Variants in TSPAN32 observed in about 807,000 individuals in gnomAD.
TSPAN32 encodes the protein tetraspanin 32, also known as tetraspanin-32.
In TSPAN32, 47 loss-of-function variants were observed where a neutral mutation model predicts 42.7. The ratio of observed to expected loss-of-function variants is 1.10; its 90% CI spans 0.87 to 1.40. The LOEUF is 1.40. Among genes scored for constraint, TSPAN32 ranks in the 40% most tolerant of loss-of-function variants. The probability of loss-of-function intolerance (pLI) is 0.00; values close to 1 mark genes in which losing one functional copy is unlikely to be tolerated. For missense variants in TSPAN32, 469 were observed against 424.1 expected, an observed-to-expected ratio of 1.11 and a Z score of -0.93; for synonymous variants, 175 against 175.9, an observed-to-expected ratio of 0.99 and a Z score of 0.04.
Position 2,317,555 on chromosome 11 carries a change from G to A in TSPAN32, c.901+30G>A, listed in dbSNP as rs1848881886. ...AGACGCCCCTGCTGTCAGCCCTCAT[G>A]GGATCCCTGAGGGGAGGGTCCGAGC... On this transcript the variant is annotated intron_variant, in intron 9 of 9. Transcript: ENST00000182290. This position sits in a 1 kb window ranked among gnomAD's most constrained non-coding sequence, Gnocchi z 6.2. The A allele has an allele frequency of 6.5e-7, 1 of 1,549,784 alleles. No individual in the cohort carries two copies. The highest frequency in any genetic ancestry group is 8.7e-7 in the Non-Finnish European group (1 of 1,152,000).
At chr11:2,316,745 G>A in intron 8 of TSPAN32, 78 bp downstream of exon 8, 1 of 1,438,244 alleles carries the variant, frequency 7.0e-7, no homozygotes. Context: ...TCTGCCAGCT[G>A]CTAGGAGGGA....
Position 2,317,758 on chromosome 11 carries a change from GC to G in TSPAN32, c.902-103del. 1 of 1,539,842 alleles carries G rather than the reference GC, an allele frequency of 6.5e-7. No homozygotes were observed. The highest frequency in any genetic ancestry group is 8.7e-7 in the Non-Finnish European group (1 of 1,150,984). ...GACTGCAAGACACTGGTGGCCCACGGCCTGGAGGGCTCCACCCAGACACAAG... is the reference window on the plus strand; with the variant it reads ...GACTGCAAGACACTGGTGGCCCACGGCTGGAGGGCTCCACCCAGACACAAG... On this transcript the variant is annotated intron_variant, in intron 9 of 9. Transcript: ENST00000182290. This position sits in a 1 kb window ranked among gnomAD's most constrained non-coding sequence, Gnocchi z 6.2.
chr11:2,311,873 C>A (rs1021092232), intron 4 of TSPAN32, among the ~76,000 whole-genome samples: 1 of 152,238 alleles, frequency 6.6e-6, no homozygotes, highest in Non-Finnish European at 1.5e-5. Flanking sequence ...TGAAGCATCA[C>A]CTAGGAGCCC....
chr11:2,304,040 C>A lies in TSPAN32; in HGVS notation c.182-67C>A, dbSNP rs1847921912. ...CTGACTCCCAAGTTAGATTTCACAC[C>A]CAGGCTGTGTGCACTCAGGACCTGT... is the stretch of plus-strand genomic sequence containing the variant. On this transcript the variant is annotated intron_variant, in intron 2 of 9. Transcript: ENST00000182290. This position sits in a 1 kb window ranked among gnomAD's most constrained non-coding sequence, Gnocchi z 4.8. The A allele has an allele frequency of 7.9e-7, 1 of 1,269,626 alleles. No homozygotes were observed. Among genetic ancestry groups the A allele is most frequent in the Non-Finnish European group, 1.1e-6 (1 of 892,498 alleles). 78.6% of individuals were successfully genotyped at this position (1,269,626 alleles called of 1,614,324 possible). A position where few individuals can be genotyped will look rare whatever the true frequency, so the allele number is the denominator to read the frequency against.
intron 4 of TSPAN32, among the ~76,000 whole-genome samples, chr11:2,310,529 C>A (rs1046914016): frequency 2.6e-5 from 4 of 152,188 alleles, no homozygotes; most frequent in Non-Finnish European, 5.9e-5. Flanking sequence ...TCCCCATCTG[C>A]CCCTCCCAGT....
intron 5 of TSPAN32, among the ~76,000 whole-genome samples, chr11:2,314,109 G>A: frequency 6.6e-6 from 1 of 150,570 alleles, no homozygotes; most frequent in Non-Finnish European, 1.5e-5. Flanking sequence ...AATTGCTTGA[G>A]CCCAGGAGTT....
chr11:2,309,703 G>A (rs1848352243), intron 4 of TSPAN32, among the ~76,000 whole-genome samples: 1 of 152,236 alleles, frequency 6.6e-6, no homozygotes, highest in Non-Finnish European at 1.5e-5. Flanking sequence ...GAGATACCGA[G>A]GCTGGTAGCA....
Position 2,317,023 on chromosome 11 carries a change from C to T in TSPAN32, c.720-321C>T, listed in dbSNP as rs1490250123. 2.0e-5 allele frequency among the ~76,000 whole-genome samples: 3 copies of T among 151,982 alleles called. No individual in the cohort carries two copies. Among genetic ancestry groups the T allele is most frequent in the Non-Finnish European group, 4.4e-5 (3 of 67,968 alleles). On this transcript the variant is annotated intron_variant, in intron 8 of 9. Coordinates refer to ENST00000182290, the MANE Select transcript of TSPAN32 (RefSeq NM_139022.3). This position sits in a 1 kb window ranked among gnomAD's most constrained non-coding sequence, Gnocchi z 6.2. ...TGCTTAGGGGGCAGGGAGGGTCCAACCCACAGCCAGGCAGCTCTTCCTGCC... is the reference window on the plus strand; with the variant it reads ...TGCTTAGGGGGCAGGGAGGGTCCAATCCACAGCCAGGCAGCTCTTCCTGCC...
intron 3 of TSPAN32, among the ~76,000 whole-genome samples, chr11:2,306,681 G>A (rs1040469336): frequency 1.3e-5 from 2 of 151,552 alleles, no homozygotes; most frequent in African/African-American, 4.9e-5. Context: ...GCAGCATTGA[G>A]TGATAGCTTC....
At position 2,302,047 on chromosome 11, in the gene TSPAN32, G is replaced by A; in HGVS notation, c.-103G>A. 1 of 1,496,770 alleles carries A rather than the reference G, an allele frequency of 6.7e-7. No individual in the cohort carries two copies. The highest frequency in any genetic ancestry group is 8.9e-7 in the Non-Finnish European group (1 of 1,127,166). 92.7% of individuals were successfully genotyped at this position (1,496,770 alleles called of 1,614,324 possible). On this transcript the variant is annotated 5_prime_UTR_variant, in exon 1 of 10. The change abolishes an upstream ATG in the 5' untranslated region. Transcript: ENST00000182290. ...TTGACAGACAGACAGAGGGGCGGAT[G>A]CAGCCTACCTCCTGGGCAGTGAGCT...
chr11:2,310,480 C>T (rs929722275), intron 4 of TSPAN32, among the ~76,000 whole-genome samples: 1 of 152,226 alleles, frequency 6.6e-6, no homozygotes, highest in African/African-American at 2.4e-5. Flanking sequence ...CCTTGCCTGA[C>T]CCCAGGCAGG....
chr11:2,308,093 CA>C (rs2133316584), intron 3 of TSPAN32, among the ~76,000 whole-genome samples: 1 of 152,288 alleles, frequency 6.6e-6, no homozygotes, highest in South Asian at 2.1e-4. Flanking sequence ...TCCATCTTCT[CA>C]GGGGTGCCCT....
At chr11:2,314,968 T>C in intron 6 of TSPAN32, 1 of 306,532 alleles carries the variant, frequency 3.3e-6, no homozygotes, top group Non-Finnish European at 6.3e-6. Flanking sequence ...GGGCTCTGTC[T>C]AGGGGGAAGG....
intron 6 of TSPAN32, chr11:2,315,033 A>AGGCTGG: frequency 2.2e-5 from 1 of 44,500 alleles, no homozygotes; most frequent in Non-Finnish European, 4.6e-5. Flanking sequence ...AGAGGAGAAG[A>AGGCTGG]AGTAGGCCAG....
At chr11:2,315,398 G>A in intron 6 of TSPAN32, 2 of 1,140,316 alleles carry the variant, frequency 1.8e-6, no homozygotes, top group South Asian at 3.7e-5. Flanking sequence ...TTGGGGGCAG[G>A]GCTAACAGTC....
At chr11:2,305,381 C>G (rs1025000706) in intron 3 of TSPAN32, among the ~76,000 whole-genome samples, 1 of 151,550 alleles carries the variant, frequency 6.6e-6, no homozygotes, top group Non-Finnish European at 1.5e-5. Flanking sequence ...CCCCCCCCCC[C>G]AGAGGGTGTG....
intron 6 of TSPAN32, 126 bp from the exon 7 acceptor site, chr11:2,316,103 A>C (rs1589819310): frequency 2.0e-6 from 3 of 1,526,100 alleles, no homozygotes; most frequent in Non-Finnish European, 2.6e-6. Context: ...AATGTGCCGC[A>C]CCCGCCGCCC....
At chr11:2,308,887 T>A in intron 4 of TSPAN32, 77 bp downstream of exon 4, 2 of 987,296 alleles carry the variant, frequency 2.0e-6, no homozygotes, top group Admixed American at 4.8e-5. Context: ...TGGGGAGCAG[T>A]CCTGGGAGGA....
At position 2,308,780 on chromosome 11, in the gene TSPAN32, G is replaced by A; in HGVS notation, c.324G>A (p.Val108=). ...TGGCGTTCTGCGCACAGGTGCAGGT[G>A]GTGTTCTGGAGACTCCACAGCCCCA... ...FSLAFCAQVQ[V]VFWRLHSPTQ... Residue 108 remains valine (V), a synonymous_variant, in exon 4 of 10, where the codon GTG becomes GTA. Coordinates refer to ENST00000182290, the MANE Select transcript of TSPAN32 (RefSeq NM_139022.3). 1 of 1,573,514 alleles carries A rather than the reference G, an allele frequency of 6.4e-7. No homozygotes were observed. The highest frequency in any genetic ancestry group is 8.6e-7 in the Non-Finnish European group (1 of 1,159,480).
Sources: allele counts gnomAD v4.1 joint callset (sites outside exome capture counted in the v4.1 genomes callset), GRCh38; gene constraint gnomAD v4.1.1; non-coding constraint Gnocchi (gnomAD v3.1); transcripts MANE v1.5; gene names NCBI Gene and HGNC (gene_info 2026-07-23, HGNC 2026-07-21).